GUCA1C: variants seen among roughly 807,000 people sequenced by gnomAD.
The protein encoded by GUCA1C is guanylate cyclase activator 1C, also known as guanylyl cyclase-activating protein 3.
A neutral mutation model predicts 16.2 loss-of-function variants in GUCA1C; 15 were observed. The ratio of observed to expected loss-of-function variants is 0.93; its 90% CI spans 0.62 to 1.43. The LOEUF is 1.43. Ranked by LOEUF, GUCA1C falls within the 40% of genes most tolerant of loss-of-function variation. The pLI is 0.00. For missense variants in GUCA1C, 275 were observed against 244.8 expected (o/e 1.12, Z -0.82); for synonymous variants, 78 against 85.4 (o/e 0.91, Z 0.48).
intron 1 of GUCA1C, among the ~76,000 whole-genome samples, chr3:108,935,598 A>G (rs968847355): frequency 6.6e-6 from 1 of 152,000 alleles, no homozygotes; most frequent in African/African-American, 2.4e-5. Flanking sequence ...TGGGAGGCTG[A>G]GGCAGGAGAA....
At position 108,953,850 on chromosome 3, in the gene GUCA1C, G is replaced by A. The variant is rs1235843700; in HGVS notation, c.-88C>T. 3 of 849,192 alleles carry A rather than the reference G, an allele frequency of 3.5e-6. No homozygotes were observed. The highest frequency in any genetic ancestry group is 6.0e-6 in the Non-Finnish European group (3 of 501,924). 52.6% of individuals were successfully genotyped at this position (849,192 alleles called of 1,614,324 possible). A position where few individuals can be genotyped will look rare whatever the true frequency, so the allele number is the denominator to read the frequency against. Reference sequence around the variant, plus strand: ...TCCCTTACTCCTCACTAAAACTGAAGGCTAACATATGCCCTCAGAAAGCTA... The same window carrying A: ...TCCCTTACTCCTCACTAAAACTGAAAGCTAACATATGCCCTCAGAAAGCTA... On this transcript the variant is annotated 5_prime_UTR_variant, in exon 1 of 4. Transcript: ENST00000261047.
intron 1 of GUCA1C, among the ~76,000 whole-genome samples, chr3:108,937,304 T>C (rs751298): frequency 0.25 from 37,887 of 152,070 alleles, 5,242 homozygotes; most frequent in Middle Eastern, 0.35. Context: ...GTGCAATCCC[T>C]GGGTGAAATT....
At chr3:108,910,257 G>A (rs1678588527) in intron 3 of GUCA1C, among the ~76,000 whole-genome samples, 1 of 152,168 alleles carries the variant, frequency 6.6e-6, no homozygotes, top group African/African-American at 2.4e-5. Flanking sequence ...CCAGCACTTT[G>A]GGAGGCCAAG....
At chr3:108,945,196 C>CCCACTTTCACTGCCTTTGAGGAA (rs1308195677) in intron 1 of GUCA1C, among the ~76,000 whole-genome samples, 1 of 152,210 alleles carries the variant, frequency 6.6e-6, no homozygotes, top group African/African-American at 2.4e-5. Flanking sequence ...GCAGTCCCTG[C>CCCACTTTCACTGCCTTTGAGGAA]CCACTTTCAC....
intron 1 of GUCA1C, among the ~76,000 whole-genome samples, chr3:108,939,323 G>GGTTTTTTTTTTT (rs1491279760): frequency 6.0e-5 from 2 of 33,228 alleles, no homozygotes; most frequent in Non-Finnish European, 1.6e-4. Context: ...TTGCTTCAAG[G>GGTTTTTTTTTTT]CTTTTTTTTT....
chr3:108,932,344 A>C (rs1206460451), intron 1 of GUCA1C, among the ~76,000 whole-genome samples: 15 of 151,352 alleles, frequency 9.9e-5, no homozygotes, highest in African/African-American at 2.7e-4. Context: ...AAAAAACAAA[A>C]AAAAAAAACA....
At chr3:108,926,630 G>A (rs1024698091) in intron 1 of GUCA1C, among the ~76,000 whole-genome samples, 17 of 152,048 alleles carry the variant, frequency 1.1e-4, no homozygotes, top group South Asian at 2.1e-4. Flanking sequence ...ACAGGTGCAC[G>A]CCACCACGCC....
At chr3:108,934,078 C>G (rs1456300866) in intron 1 of GUCA1C, among the ~76,000 whole-genome samples, 1 of 151,818 alleles carries the variant, frequency 6.6e-6, no homozygotes, top group Admixed American at 6.6e-5. Context: ...AACACAGGAA[C>G]AGAAAACCAA....
chr3:108,937,537 A>G (rs1226319837), intron 1 of GUCA1C, among the ~76,000 whole-genome samples: 1 of 152,230 alleles, frequency 6.6e-6, no homozygotes, highest in Non-Finnish European at 1.5e-5. Flanking sequence ...TAAGAATTTT[A>G]GTTCTAGAAA....
intron 1 of GUCA1C, among the ~76,000 whole-genome samples, chr3:108,930,579 G>A (rs546802378): frequency 2.6e-5 from 4 of 152,266 alleles, no homozygotes. Context: ...TTTACAGTCA[G>A]AAAGTGATAA....
chr3:108,924,777 C>T (rs566419585), intron 1 of GUCA1C, among the ~76,000 whole-genome samples: 25 of 151,822 alleles, frequency 1.6e-4, no homozygotes, highest in South Asian at 4.2e-4. Context: ...TTTTTGTTGG[C>T]AATTTTTTTG....
intron 1 of GUCA1C, among the ~76,000 whole-genome samples, chr3:108,933,064 T>G (rs1946686731): frequency 1.3e-5 from 2 of 152,148 alleles, no homozygotes; most frequent in Admixed American, 6.5e-5. Context: ...CCTTCCTCTC[T>G]CATCTGCTTC....
In GUCA1C at chr3:108,920,557, A is replaced by G; in HGVS notation, c.233T>C (p.Ile78Thr). 6.5e-7 allele frequency: 1 copy of G among 1,541,386 alleles called. No individual in the cohort carries two copies. Among genetic ancestry groups the G allele is most frequent in the South Asian group, 1.1e-5 (1 of 89,602 alleles). ...KDGFVDFLEFIAAVNLIMQEK... is the reference protein window; with the variant it reads ...KDGFVDFLEFTAAVNLIMQEK... The stretch of plus-strand genomic sequence containing the variant: ...TTGCATGATTAGATTTACAGCAGCA[A>G]TAAACTCCAAAAAGTCAACAAATCC... Residue 78 changes from isoleucine to threonine, a missense_variant, in exon 2 of 4, where the codon ATT (isoleucine) becomes ACT (threonine). Physicochemically the swap from Ile to Thr is moderately conservative, Grantham distance 89. Coordinates refer to ENST00000261047, the MANE Select transcript of GUCA1C (RefSeq NM_005459.4).
intron 2 of GUCA1C, 100 bp from the exon 3 acceptor site, chr3:108,916,314 C>T (rs971047977): frequency 1.8e-5 from 19 of 1,064,532 alleles, no homozygotes; most frequent in Middle Eastern, 2.1e-4. Context: ...GATGTGTTGT[C>T]GGTTGCTATC....
chr3:108,920,914 T>A (rs994270043), intron 1 of GUCA1C, among the ~76,000 whole-genome samples: 2 of 152,202 alleles, frequency 1.3e-5, no homozygotes, highest in Admixed American at 1.3e-4. Flanking sequence ...GGTACATTTG[T>A]TACAGTTGCT....
At chr3:108,943,165 A>T (rs546117291) in intron 1 of GUCA1C, among the ~76,000 whole-genome samples, 1 of 152,284 alleles carries the variant, frequency 6.6e-6, no homozygotes, top group African/African-American at 2.4e-5. Flanking sequence ...CCTAAACTAC[A>T]TGAAGATTCC....
chr3:108,918,212 A>G (rs1221662902), intron 2 of GUCA1C, among the ~76,000 whole-genome samples: 2 of 152,082 alleles, frequency 1.3e-5, no homozygotes, highest in Non-Finnish European at 2.9e-5. Flanking sequence ...CAACTCACCA[A>G]AATGTCTCCA....
intron 1 of GUCA1C, among the ~76,000 whole-genome samples, chr3:108,949,672 T>C (rs1481633844): frequency 2.0e-5 from 3 of 152,180 alleles, no homozygotes; most frequent in Non-Finnish European, 4.4e-5. Context: ...CGGTTGAATG[T>C]ATTCATCTAT....
At chr3:108,913,193 G>A (rs1239944057) in intron 3 of GUCA1C, among the ~76,000 whole-genome samples, 2 of 150,422 alleles carry the variant, frequency 1.3e-5, no homozygotes, top group African/African-American at 2.4e-5. Flanking sequence ...TTATATTATC[G>A]GCATAATGAT....
Sources: gnomAD v4.1 joint callset for allele counts (sites outside exome capture counted in the v4.1 genomes callset) on GRCh38, gnomAD v4.1.1 for gene constraint, MANE v1.5 for transcripts, NCBI Gene and HGNC (gene_info 2026-07-23, HGNC 2026-07-21) for gene names.